ANKRD26: variants seen among roughly 807,000 people sequenced by gnomAD.
The protein encoded by ANKRD26 is ankyrin repeat domain-containing protein 26.
In ANKRD26, 141 loss-of-function variants were observed where a neutral mutation model predicts 208.7. The ratio of observed to expected loss-of-function variants is 0.68; its 90% confidence interval spans 0.59 to 0.78. The LOEUF (loss-of-function observed/expected upper bound fraction) is 0.78, where lower values mean the gene tolerates loss of function less well. Among genes scored for constraint, ANKRD26 ranks in the 30% least tolerant of loss-of-function variants. The pLI is 0.00. For missense variants in ANKRD26, 1,889 were observed against 1,938.7 expected, an observed-to-expected ratio of 0.97 and a Z score of 0.48; for synonymous variants, 636 against 660.4, an observed-to-expected ratio of 0.96 and a Z score of 0.57.
Position 27,037,854 on chromosome 10 carries a change from A to T in ANKRD26, c.2559+17T>A, listed in dbSNP as rs779897705. 1.4e-5 allele frequency: 22 copies of T among 1,571,134 alleles called. 2 individuals are homozygous for T. Among genetic ancestry groups the T allele is most frequent in the Middle Eastern group, 2.2e-4 (1 of 4,464 alleles). ...ATAAAGTTAAAAATATAAAATTTTT[A>T]TCAAAAATTAATTTACCTGATTCAA... On this transcript the variant is annotated intron_variant, in intron 22 of 33. Coordinates refer to ENST00000376087, the MANE Select transcript of ANKRD26 (RefSeq NM_014915.3).
chr10:26,979,098 T>C (rs945467038), intron 5 of ANKRD26, among the ~76,000 whole-genome samples: 4 of 152,124 alleles, frequency 2.6e-5, no homozygotes, highest in East Asian at 1.9e-4. Context: ...GCAGCCCCTG[T>C]AGTCCCAGCT....
chr10:27,077,787 C>G, intron 7 of ANKRD26, 94 bp from the exon 8 acceptor site: 1 of 1,129,382 alleles, frequency 8.9e-7, no homozygotes, highest in African/African-American at 1.5e-5. Flanking sequence ...ACTACATGAT[C>G]TAACACAAAG....
chr10:27,053,171 C>A, intron 16 of ANKRD26, 149 bp downstream of exon 16: 1 of 573,404 alleles, frequency 1.7e-6, no homozygotes, highest in Admixed American at 3.0e-5. Flanking sequence ...AACATTTTAA[C>A]TAGTCAAAAC....
In ANKRD26 at chr10:27,077,263, A is replaced by C. The variant is rs11015504; in HGVS notation, c.1077+75T>G. 0.12 allele frequency: 148,065 copies of C among 1,243,550 alleles called. 10,300 individuals carry two copies. The highest frequency in any genetic ancestry group is 0.14 in the Non-Finnish European group (121,168 of 846,344). 77.0% of individuals were successfully genotyped at this position (1,243,550 alleles called of 1,614,324 possible). A position where few individuals can be genotyped will look rare whatever the true frequency, so the allele number is the denominator to read the frequency against. Reference sequence around the variant, plus strand: ...GAAACAAAAACTGTATGATCATCTCAATAGATGCATCATTATGAGGATTGT... The same window carrying C: ...GAAACAAAAACTGTATGATCATCTCCATAGATGCATCATTATGAGGATTGT... On this transcript the variant is annotated intron_variant, in intron 9 of 33. Coordinates refer to ENST00000376087, the MANE Select transcript of ANKRD26 (RefSeq NM_014915.3).
At chr10:26,995,078 G>A (rs2052560347) in exon 5 of ANKRD26, 1 of 471,014 alleles carries the variant, frequency 2.1e-6, no homozygotes, top group African/African-American at 2.0e-5. Flanking sequence ...ATCTATTGCA[G>A]GTCTGTCCTG....
At chr10:27,085,225 T>G (rs1444083037) in intron 5 of ANKRD26, among the ~76,000 whole-genome samples, 1 of 151,840 alleles carries the variant, frequency 6.6e-6, no homozygotes, top group Non-Finnish European at 1.5e-5. Flanking sequence ...CTCAGCCTCC[T>G]GAGTAGCTGG....
chr10:27,025,740 T>C (rs1313045535), intron 27 of ANKRD26, among the ~76,000 whole-genome samples: 2 of 152,142 alleles, frequency 1.3e-5, no homozygotes, highest in Non-Finnish European at 2.9e-5. Context: ...TCCATTCCTC[T>C]TTTTTAAATT....
chr10:27,039,902 C>T (rs2054172382), intron 21 of ANKRD26, 63 bp downstream of exon 21: 3 of 1,491,966 alleles, frequency 2.0e-6, no homozygotes, highest in South Asian at 1.1e-5. Context: ...TCAGCAATTA[C>T]AAGAATTCTA....
At chr10:27,012,394 TAAA>T (rs34704508) in intron 32 of ANKRD26, among the ~76,000 whole-genome samples, 1 of 142,246 alleles carries the variant, frequency 7.0e-6, no homozygotes. Flanking sequence ...CTCTAGGGAC[TAAA>T]AAAAAAAAAA....
At chr10:27,066,356 T>C in intron 11 of ANKRD26, 131 bp downstream of exon 11, 2 of 588,704 alleles carry the variant, frequency 3.4e-6, no homozygotes, top group Non-Finnish European at 5.8e-6. Flanking sequence ...AATTATGAAC[T>C]GAAAAATATA....
At chr10:27,066,777 G>T (rs1251383009) in intron 10 of ANKRD26, among the ~76,000 whole-genome samples, 1 of 151,986 alleles carries the variant, frequency 6.6e-6, no homozygotes, top group Non-Finnish European at 1.5e-5. Context: ...TAATATTTGG[G>T]TCTGCATATG....
chr10:27,050,628 G>C (rs1023541862), intron 16 of ANKRD26, among the ~76,000 whole-genome samples: 1 of 152,162 alleles, frequency 6.6e-6, no homozygotes, highest in African/African-American at 2.4e-5. Flanking sequence ...CTCAGGGCTA[G>C]ATATATTTTT....
chr10:27,030,598 T>C (rs1459513247), intron 25 of ANKRD26: 1 of 985,210 alleles, frequency 1.0e-6, no homozygotes, highest in African/African-American at 1.7e-5. Context: ...ATCCCAGCTC[T>C]GGCTACGTAA....
At chr10:26,972,588 CTTTTT>C (rs773904333), downstream of ANKRD26, among the ~76,000 whole-genome samples, 2 of 121,962 alleles carry the variant, frequency 1.6e-5, no homozygotes, top group Admixed American at 8.3e-5. Context: ...CAAAGTGATT[CTTTTT>C]TTTTTTTTTT....
intron 11 of ANKRD26, among the ~76,000 whole-genome samples, chr10:27,065,040 T>C (rs962351488): frequency 6.6e-6 from 1 of 152,214 alleles, no homozygotes; most frequent in East Asian, 1.9e-4. Flanking sequence ...GATTGTGCCC[T>C]CTGCCCAGAA....
chr10:26,996,349 C>G (rs1333387124), intron 4 of ANKRD26, among the ~76,000 whole-genome samples: 2 of 152,136 alleles, frequency 1.3e-5, no homozygotes, highest in Non-Finnish European at 2.9e-5. Flanking sequence ...ATCACAAGGT[C>G]AGGAGATCAA....
chr10:26,984,840 G>A (rs756627784), intron 3 of ANKRD26, among the ~76,000 whole-genome samples: 37 of 152,082 alleles, frequency 2.4e-4, no homozygotes, highest in Non-Finnish European at 4.1e-4. Context: ...TATGAACTTA[G>A]CCAATTGTGT....
chr10:26,962,117 G>A, the ANKRD26 span, among the ~76,000 whole-genome samples: 1 of 152,078 alleles, frequency 6.6e-6, no homozygotes, highest in Non-Finnish European at 1.5e-5. Context: ...CCAGTCAAAG[G>A]CTCAGACCCT....
chr10:27,058,826 T>C (rs551696649), intron 15 of ANKRD26, among the ~76,000 whole-genome samples: 60 of 152,256 alleles, frequency 3.9e-4, no homozygotes, highest in African/African-American at 1.4e-3. Flanking sequence ...TCTGCCCGCC[T>C]CAGCCTCCCA....
Sources: allele counts gnomAD v4.1 joint callset (sites outside exome capture counted in the v4.1 genomes callset), GRCh38; gene constraint gnomAD v4.1.1; transcripts MANE v1.5; gene names NCBI Gene and HGNC (gene_info 2026-07-23, HGNC 2026-07-21).